SHTN1: variants seen among roughly 807,000 people sequenced by gnomAD.
The protein encoded by SHTN1 is shootin-1.
A neutral mutation model predicts 83.1 loss-of-function variants in SHTN1; 42 were observed. The ratio of observed to expected loss-of-function variants is 0.51; its 90% CI spans 0.39 to 0.65. The LOEUF (loss-of-function observed/expected upper bound fraction) is 0.65. Among genes scored for constraint, SHTN1 ranks in the 30% least tolerant of loss-of-function variants. The pLI is 0.00. For synonymous variants in SHTN1, 224 were observed against 247.7 expected, an observed-to-expected ratio of 0.90 and a Z score of 0.90; for missense variants, 622 against 737.8, an observed-to-expected ratio of 0.84 and a Z score of 1.82.
chr10:116,952,007 C>A lies in SHTN1; in HGVS notation c.437-1G>T. ...ACAGATACAATTTGATCTCGAAGTT[C>A]TGCATTTTTAAAGAAAAAAAATATA... On this transcript the variant is annotated splice_acceptor_variant, in intron 5 of 16. Transcript: ENST00000355371. LOFTEE classifies it high-confidence loss of function. The A allele has an allele frequency of 6.8e-7, 1 of 1,470,722 alleles. No homozygotes were observed. The highest frequency in any genetic ancestry group is 1.6e-5 in the South Asian group (1 of 63,560). 91.1% of individuals were successfully genotyped at this position (1,470,722 alleles called of 1,614,324 possible). A position where few individuals can be genotyped will look rare whatever the true frequency, so the allele number is the denominator to read the frequency against.
rs1037621439 is a variant in SHTN1 at position 117,005,163 on chromosome 10, C to T, written c.-84G>A. The T allele has an allele frequency of 1.1e-5, 17 of 1,544,974 alleles. No homozygotes were observed. The highest frequency in any genetic ancestry group is 1.4e-5 in the African/African-American group (1 of 73,162). ...GGAGGGGGAAGAAAAAGCAAGATGC[C>T]GGTGGCTTGCGGCTCCACTACCCGG... On this transcript the variant is annotated 5_prime_UTR_variant, in exon 1 of 17. Transcript: ENST00000355371.
At chr10:116,988,333 A>G (rs1851298004) in intron 1 of SHTN1, among the ~76,000 whole-genome samples, 1 of 151,626 alleles carries the variant, frequency 6.6e-6, no homozygotes, top group Admixed American at 6.6e-5. Context: ...CACACAATCA[A>G]TCATACACAA....
intron 1 of SHTN1, among the ~76,000 whole-genome samples, chr10:117,125,681 C>G (rs1396480230): frequency 6.6e-6 from 1 of 152,168 alleles, no homozygotes. Flanking sequence ...CTCTCCCCTC[C>G]GTTTCTCCCT....
At chr10:116,988,397 G>A (rs1407602866) in intron 1 of SHTN1, among the ~76,000 whole-genome samples, 2 of 151,580 alleles carry the variant, frequency 1.3e-5, no homozygotes, top group Non-Finnish European at 2.9e-5. Context: ...TCTTGATATA[G>A]TAGTATTCTT....
At chr10:117,096,780 A>T (rs777790753) in intron 1 of SHTN1, among the ~76,000 whole-genome samples, 3 of 152,164 alleles carry the variant, frequency 2.0e-5, no homozygotes, top group Admixed American at 1.3e-4. Context: ...AATTGGTTCT[A>T]ATCCTCTCCT....
At chr10:117,098,833 G>A (rs1034412180) in intron 1 of SHTN1, among the ~76,000 whole-genome samples, 6 of 152,016 alleles carry the variant, frequency 3.9e-5, no homozygotes, top group South Asian at 2.1e-4. Context: ...GTTCCATCAC[G>A]CAAGCCAAAT....
chr10:116,936,127 T>C (rs1466366461), intron 9 of SHTN1, among the ~76,000 whole-genome samples: 2 of 151,990 alleles, frequency 1.3e-5, no homozygotes, highest in African/African-American at 2.4e-5. Context: ...CTCCTGGATT[T>C]ACTGATTTTT....
intron 1 of SHTN1, among the ~76,000 whole-genome samples, chr10:117,079,234 T>G (rs1368384045): frequency 7.6e-6 from 1 of 132,388 alleles, no homozygotes; most frequent in East Asian, 2.4e-4. Flanking sequence ...CCCCTTCCTG[T>G]GTCCATGTGA....
intron 8 of SHTN1, among the ~76,000 whole-genome samples, chr10:116,941,702 A>G (rs531319634): frequency 6.6e-6 from 1 of 152,378 alleles, no homozygotes; most frequent in Admixed American, 6.5e-5. Context: ...AATAAAACTC[A>G]GGACAAAAAT....
Position 116,929,938 on chromosome 10 carries a change from T to C in SHTN1, c.923A>G (p.Gln308Arg). 1 of 1,609,310 alleles carries C rather than the reference T, an allele frequency of 6.2e-7. No homozygotes were observed. The highest frequency in any genetic ancestry group is 2.2e-5 in the East Asian group (1 of 44,668). ...TLHKEIHNLKQQLELLEEDKK... is the reference protein window; with the variant it reads ...TLHKEIHNLKRQLELLEEDKK... ...ATCTTCCTCTAGAAGCTCCAGTTGCTGTTTGAGGTTGTGTATTTCTTTGTG... is the reference window on the plus strand; with the variant it reads ...ATCTTCCTCTAGAAGCTCCAGTTGCCGTTTGAGGTTGTGTATTTCTTTGTG... The change falls in exon 10 of 17, where the codon CAG becomes CGG. Residue 308 changes from glutamine to arginine, a missense_variant. Physicochemically the swap from Gln to Arg is conservative, Grantham distance 43. Coordinates refer to ENST00000355371, the MANE Select transcript of SHTN1 (RefSeq NM_001127211.3).
intron 1 of SHTN1, among the ~76,000 whole-genome samples, chr10:117,049,110 T>C (rs562316841): frequency 6.6e-6 from 1 of 152,228 alleles, no homozygotes; most frequent in African/African-American, 2.4e-5. Context: ...GCTACTCCAT[T>C]ATGGGCTCAG....
intron 13 of SHTN1, among the ~76,000 whole-genome samples, chr10:116,914,546 G>A (rs957037766): frequency 1.3e-4 from 19 of 150,738 alleles, no homozygotes; most frequent in Admixed American, 4.6e-4. Context: ...ACGTTCACAC[G>A]GTTGAGGTAG....
chr10:116,950,088 A>G (rs968957020), intron 6 of SHTN1, among the ~76,000 whole-genome samples: 8 of 152,210 alleles, frequency 5.3e-5, no homozygotes, highest in Non-Finnish European at 1.2e-4. Flanking sequence ...ATGCAACCAG[A>G]AAGAGTTACA....
chr10:116,898,157 G>A (rs529802141), intron 16 of SHTN1, among the ~76,000 whole-genome samples: 10 of 151,958 alleles, frequency 6.6e-5, no homozygotes, highest in East Asian at 1.9e-4. Flanking sequence ...GTGAAACCGC[G>A]TCTCTACTAA....
chr10:116,920,851 TA>T (rs1302271985), intron 12 of SHTN1, among the ~76,000 whole-genome samples: 1 of 152,112 alleles, frequency 6.6e-6, no homozygotes, highest in African/African-American at 2.4e-5. Context: ...AAAATGGTTT[TA>T]CCCTAAACAC....
intron 1 of SHTN1, among the ~76,000 whole-genome samples, chr10:117,123,384 G>C (rs995594179): frequency 2.2e-4 from 33 of 152,234 alleles, no homozygotes; most frequent in African/African-American, 7.9e-4. Context: ...ACAACTTTGA[G>C]AGCCATTTGA....
chr10:116,895,028 T>C (rs1313026151), intron 16 of SHTN1, among the ~76,000 whole-genome samples: 2 of 152,216 alleles, frequency 1.3e-5, no homozygotes, highest in East Asian at 1.9e-4. Flanking sequence ...TCAAAGGTGT[T>C]AACCAGTAAT....
intron 1 of SHTN1, among the ~76,000 whole-genome samples, chr10:117,089,689 A>G (rs771768956): frequency 2.0e-5 from 3 of 152,170 alleles, no homozygotes; most frequent in Non-Finnish European, 4.4e-5. Flanking sequence ...TGCAAATCAT[A>G]TATCTGATAA....
intron 1 of SHTN1, among the ~76,000 whole-genome samples, chr10:117,004,254 A>C (rs1283488967): frequency 1.3e-5 from 2 of 152,152 alleles, no homozygotes. Context: ...ATAAGTGTTT[A>C]AATGTGATAG....
Sources: gnomAD v4.1 joint callset for allele counts (sites outside exome capture counted in the v4.1 genomes callset) on GRCh38, gnomAD v4.1.1 for gene constraint, MANE v1.5 for transcripts, NCBI Gene and HGNC (gene_info 2026-07-23, HGNC 2026-07-21) for gene names.